TENM3: variants seen among roughly 807,000 people sequenced by gnomAD.
TENM3 encodes teneurin transmembrane protein 3, also known as teneurin-3.
A neutral mutation model predicts 255.1 loss-of-function variants in TENM3; 63 were observed. That is an observed-to-expected ratio of 0.25 (90% CI 0.20 to 0.30). TENM3 has a LOEUF of 0.30. TENM3 is among the 10% of genes least tolerant of loss of function. The pLI is 1.00. For synonymous variants in TENM3, 1,306 were observed against 1,322.3 expected, an observed-to-expected ratio of 0.99 and a Z score of 0.27; for missense variants, 2,929 against 3,461.1, an observed-to-expected ratio of 0.85 and a Z score of 3.86.
chr4:182,719,252 C>CTTTTTTTTTTTTTTTTTTTT (rs11348241), intron 13 of TENM3, among the ~76,000 whole-genome samples: 1 of 80,822 alleles, frequency 1.2e-5, no homozygotes, highest in Non-Finnish European at 2.2e-5. Flanking sequence ...TTTTTTTTTT[C>CTTTTTTTTTTTTTTTTTTTT]TTTTTTTTTT....
At chr4:182,263,155 G>A (rs1325419303) in intron 1 of TENM3, among the ~76,000 whole-genome samples, 2 of 152,062 alleles carry the variant, frequency 1.3e-5, no homozygotes, top group South Asian at 4.2e-4. Flanking sequence ...CAGAAACCCT[G>A]AGCCGCGGGG....
At chr4:182,699,375 C>T (rs1757674998) in intron 12 of TENM3, among the ~76,000 whole-genome samples, 1 of 152,212 alleles carries the variant, frequency 6.6e-6, no homozygotes, top group Non-Finnish European at 1.5e-5. Flanking sequence ...GCTTGGCAAA[C>T]CCGATTCCTT....
the TENM3 span, among the ~76,000 whole-genome samples, chr4:181,500,676 G>T: frequency 3.3e-5 from 5 of 152,042 alleles, no homozygotes; most frequent in South Asian, 2.1e-4. Context: ...GCGCTCAAAG[G>T]TATCATATTC....
the TENM3 span, among the ~76,000 whole-genome samples, chr4:181,967,107 C>A: frequency 6.6e-6 from 1 of 152,028 alleles, no homozygotes; most frequent in Admixed American, 6.6e-5. Flanking sequence ...CCTTCCACTC[C>A]CTGCTTGTCT....
the TENM3 span, among the ~76,000 whole-genome samples, chr4:181,896,215 T>C: frequency 6.6e-6 from 1 of 152,116 alleles, no homozygotes; most frequent in Non-Finnish European, 1.5e-5. Flanking sequence ...AATGAGTAAA[T>C]AGTCTTATTC....
At chr4:182,542,119 A>G (rs1740945870) in intron 3 of TENM3, among the ~76,000 whole-genome samples, 1 of 152,134 alleles carries the variant, frequency 6.6e-6, no homozygotes, top group African/African-American at 2.4e-5. Context: ...TTGAGCACCT[A>G]CTTAGTTTGA....
chr4:182,350,045 T>C (rs199915997), intron 3 of TENM3: 2 of 134,430 alleles, frequency 1.5e-5, no homozygotes, highest in African/African-American at 2.9e-5. Flanking sequence ...AAAAAAAAAA[T>C]GTTATTCAAC....
chr4:182,583,136 G>A (rs1160943819), intron 3 of TENM3, among the ~76,000 whole-genome samples: 2 of 152,232 alleles, frequency 1.3e-5, no homozygotes, highest in Non-Finnish European at 1.5e-5. Context: ...CAGGAGAGCT[G>A]TAGCCAGCTT....
At chr4:181,718,650 T>C in the TENM3 span, among the ~76,000 whole-genome samples, 1 of 152,244 alleles carries the variant, frequency 6.6e-6, no homozygotes, top group African/African-American at 2.4e-5. Context: ...TGACTGTCAA[T>C]TATTCCAGAG....
At chr4:182,676,849 C>T (rs947948108) in intron 7 of TENM3, among the ~76,000 whole-genome samples, 3 of 152,138 alleles carry the variant, frequency 2.0e-5, no homozygotes, top group African/African-American at 7.2e-5. Flanking sequence ...TTAAACGGAG[C>T]TTTCACACTA....
chr4:182,306,194 CTTTT>C, intron 1 of TENM3, among the ~76,000 whole-genome samples: 1 of 151,304 alleles, frequency 6.6e-6, no homozygotes, highest in Middle Eastern at 3.4e-3. Flanking sequence ...TTCTTTCTTT[CTTTT>C]TTTTTCTTTT....
At chr4:181,831,427 T>A in the TENM3 span, among the ~76,000 whole-genome samples, 1 of 151,628 alleles carries the variant, frequency 6.6e-6, no homozygotes, top group South Asian at 2.1e-4. Flanking sequence ...GTTTATTATT[T>A]AATATTGTTG....
intron 3 of TENM3, among the ~76,000 whole-genome samples, chr4:182,513,669 C>T (rs948804393): frequency 6.6e-6 from 1 of 152,136 alleles, no homozygotes; most frequent in Non-Finnish European, 1.5e-5. Flanking sequence ...AACTGTGTTT[C>T]TTATTTCCTG....
chr4:182,221,842 C>T (rs936851223), intron 1 of TENM3, among the ~76,000 whole-genome samples: 4 of 152,146 alleles, frequency 2.6e-5, no homozygotes. Flanking sequence ...CAAATGTCAT[C>T]CTCTCTTTGA....
intron 3 of TENM3, among the ~76,000 whole-genome samples, chr4:182,385,262 C>CTTTTTTT (rs397762118): frequency 9.8e-5 from 11 of 112,106 alleles, no homozygotes; most frequent in East Asian, 8.7e-4. Context: ...TATTGTGCGT[C>CTTTTTTT]TTTTTTTTTT....
chr4:181,637,741 A>G, the TENM3 span, among the ~76,000 whole-genome samples: 3 of 152,268 alleles, frequency 2.0e-5, no homozygotes, highest in African/African-American at 4.8e-5. Context: ...CAATTGTAAC[A>G]TGTTACATTT....
chr4:181,873,331 A>G, the TENM3 span, among the ~76,000 whole-genome samples: 1 of 152,174 alleles, frequency 6.6e-6, no homozygotes, highest in South Asian at 2.1e-4. Context: ...AGCCTCCCAG[A>G]GTGCTGGGGT....
At chr4:182,476,526 G>A (rs906078384) in intron 3 of TENM3, among the ~76,000 whole-genome samples, 30 of 152,154 alleles carry the variant, frequency 2.0e-4, no homozygotes, top group African/African-American at 6.0e-4. Flanking sequence ...TCCATTCTAT[G>A]TTTTCAAGAT....
At chr4:181,850,988 G>C in the TENM3 span, among the ~76,000 whole-genome samples, 1 of 149,742 alleles carries the variant, frequency 6.7e-6, no homozygotes, top group African/African-American at 2.5e-5. Flanking sequence ...GGAGGGGACA[G>C]ACGGGATAAA....
Sources: gnomAD v4.1 joint callset for allele counts (sites outside exome capture counted in the v4.1 genomes callset) on GRCh38, gnomAD v4.1.1 for gene constraint, MANE v1.5 for transcripts, NCBI Gene and HGNC (gene_info 2026-07-23, HGNC 2026-07-21) for gene names.